The following HNRNPM variants were observed in gnomAD, a reference collection of about 807,000 sequenced individuals.
HNRNPM encodes CEA receptor.
HNRNPM carries 11 observed loss-of-function variants against 73.1 expected under a neutral mutation model. The ratio of observed to expected loss-of-function variants is 0.15; its 90% CI spans 0.09 to 0.25. The LOEUF (loss-of-function observed/expected upper bound fraction) is 0.25. Among genes scored for constraint, HNRNPM ranks in the 10% least tolerant of loss-of-function variants. HNRNPM has a pLI of 1.00. For synonymous variants in HNRNPM, 407 were observed against 355.2 expected, an observed-to-expected ratio of 1.15 and a Z score of -1.64; for missense variants, 789 against 1,067.9, an observed-to-expected ratio of 0.74 and a Z score of 3.64.
chr19:8,448,787 C>A (rs1206133483), intron 1 of HNRNPM, among the ~76,000 whole-genome samples: 1 of 152,014 alleles, frequency 6.6e-6, no homozygotes, highest in Non-Finnish European at 1.5e-5. Flanking sequence ...CTGGCCCCTT[C>A]CTGAGTAATT....
chr19:8,463,727 T>C (rs1969548787), intron 5 of HNRNPM, 41 bp downstream of exon 5: 1 of 1,326,424 alleles, frequency 7.5e-7, no homozygotes, highest in Admixed American at 1.7e-5. Context: ...TGTGTAATTG[T>C]TGAGTGATCC....
intron 8 of HNRNPM, among the ~76,000 whole-genome samples, chr19:8,468,159 G>T (rs1195450281): frequency 1.3e-5 from 2 of 152,226 alleles, no homozygotes; most frequent in Non-Finnish European, 2.9e-5. Flanking sequence ...TTGAGCAAGT[G>T]ATCCGTTTCA....
chr19:8,482,179 G>C (rs773241300), intron 12 of HNRNPM, among the ~76,000 whole-genome samples: 2 of 152,248 alleles, frequency 1.3e-5, no homozygotes, highest in African/African-American at 2.4e-5. Context: ...TGGCCAGGCT[G>C]ATCCTGACCT....
At chr19:8,474,125 C>A in intron 11 of HNRNPM, 42 bp from the exon 12 acceptor site, 1 of 1,406,108 alleles carries the variant, frequency 7.1e-7, no homozygotes, top group Non-Finnish European at 9.7e-7. Context: ...TTAGTCTAAG[C>A]AGTCTTGTTG....
intron 13 of HNRNPM, among the ~76,000 whole-genome samples, 190 bp from the exon 14 acceptor site, chr19:8,485,413 A>T (rs1468491809): frequency 6.6e-6 from 1 of 152,190 alleles, no homozygotes; most frequent in Non-Finnish European, 1.5e-5. Context: ...GAGCAGAGAG[A>T]ATGCTGGGAG....
chr19:8,453,611 G>A (rs1968784656), intron 1 of HNRNPM, among the ~76,000 whole-genome samples: 1 of 152,056 alleles, frequency 6.6e-6, no homozygotes, highest in South Asian at 2.1e-4. Context: ...TTTTGTCATG[G>A]ATTACAAATT....
In HNRNPM at chr19:8,462,949, T is replaced by C. The variant is rs769612435; in HGVS notation, c.336+368T>C. Among the ~76,000 whole-genome samples, 1 of 152,230 alleles carries C rather than the reference T, an allele frequency of 6.6e-6. No individual in the cohort carries two copies. The highest frequency in any genetic ancestry group is 1.5e-5 in the Non-Finnish European group (1 of 68,038). On this transcript the variant is annotated intron_variant, in intron 3 of 15. Coordinates refer to ENST00000325495, the MANE Select transcript of HNRNPM (RefSeq NM_005968.5). The surrounding 1 kb of genome is among the most constrained non-coding windows in gnomAD (Gnocchi z 4.5). ...TTGTCTAGAAAATGTTACTCTTGGT[T>C]GTTTGCTGAATTTGAAAGTTGTGTG...
At chr19:8,454,789 C>G (rs1445440480) in intron 1 of HNRNPM, among the ~76,000 whole-genome samples, 1 of 149,714 alleles carries the variant, frequency 6.7e-6, no homozygotes, top group African/African-American at 2.5e-5. Context: ...TAGAAATCAT[C>G]CCTCTCTTCT....
intron 9 of HNRNPM, among the ~76,000 whole-genome samples, chr19:8,470,507 T>C (rs1342051103): frequency 2.0e-5 from 3 of 152,094 alleles, no homozygotes; most frequent in African/African-American, 7.2e-5. Context: ...TTTTTTTTTT[T>C]AGTAGAGATG....
intron 2 of HNRNPM, among the ~76,000 whole-genome samples, chr19:8,459,188 A>G (rs974004229): frequency 1.3e-5 from 2 of 152,172 alleles, no homozygotes; most frequent in African/African-American, 4.8e-5. Context: ...TGGCCTTCCA[A>G]AGTGCTAGGA....
Position 8,485,710 on chromosome 19 carries a change from G to A in HNRNPM, c.1282G>A (p.Asp428Asn), listed in dbSNP as rs748335760. 2.5e-6 allele frequency: 4 copies of A among 1,607,176 alleles called. No homozygotes were observed. The highest frequency in any genetic ancestry group is 3.4e-6 in the Non-Finnish European group (4 of 1,179,666). ...RMGAGLGHGMDRVGSEIERMG... is the reference protein window; with the variant it reads ...RMGAGLGHGMNRVGSEIERMG... ...GGGCGCGGGCCTGGGCCACGGCATG[G>A]ATCGCGTGGGCTCCGAGATCGAGCG... Residue 428 changes from aspartate to asparagine, a missense_variant, in exon 14 of 16, where the codon GAT (aspartate) becomes AAT (asparagine). Transcript: ENST00000325495.
intron 9 of HNRNPM, among the ~76,000 whole-genome samples, chr19:8,470,501 T>G (rs1207623184): frequency 6.6e-6 from 1 of 152,162 alleles, no homozygotes; most frequent in East Asian, 1.9e-4. Context: ...AATTTTTTTT[T>G]TTTTTTAGTA....
In HNRNPM at chr19:8,465,496, G is replaced by A; in HGVS notation, c.611G>A (p.Ser204Asn). 1 of 1,609,384 alleles carries A rather than the reference G, an allele frequency of 6.2e-7. No homozygotes were observed. ...GCATTACAGGCTGGAAGACTTGGAA[G>A]CACAGTATTTGTAGCAAATGTAAGT... ...IHALQAGRLG[S>N]TVFVANLDYK... The change falls in exon 6 of 16, where the codon AGC becomes AAC. Residue 204 changes from serine to asparagine, a missense_variant. By Grantham distance (46) the Ser-to-Asn change is conservative. This residue lies in a region of HNRNPM where 604 missense variants were observed against 744.0 expected (regional missense o/e 0.81). Coordinates refer to ENST00000325495, the MANE Select transcript of HNRNPM (RefSeq NM_005968.5).
chr19:8,451,463 T>TAA (rs141784669), intron 1 of HNRNPM, among the ~76,000 whole-genome samples: 2 of 152,060 alleles, frequency 1.3e-5, no homozygotes, highest in African/African-American at 2.4e-5. Context: ...TTGGACATGT[T>TAA]AAAAAAAGAG....
At chr19:8,480,713 T>TG (rs1258118704) in intron 12 of HNRNPM, among the ~76,000 whole-genome samples, 2 of 152,070 alleles carry the variant, frequency 1.3e-5, no homozygotes, top group African/African-American at 4.8e-5. Flanking sequence ...AACTTTTTCT[T>TG]GCTAAGAGCC....
chr19:8,487,285 T>C, intron 15 of HNRNPM: 1 of 575,126 alleles, frequency 1.7e-6, no homozygotes, highest in Non-Finnish European at 3.2e-6. Context: ...CATCCTTACT[T>C]CCTTTTTTCT....
chr19:8,479,375 G>T (rs932193838), intron 12 of HNRNPM, among the ~76,000 whole-genome samples: 6 of 152,036 alleles, frequency 3.9e-5, no homozygotes, highest in African/African-American at 1.4e-4. Flanking sequence ...CATCACGCCA[G>T]GTCTGTTGAT....
At chr19:8,476,572 AAAAAAAAG>A (rs1970521165) in intron 12 of HNRNPM, among the ~76,000 whole-genome samples, 1 of 40,304 alleles carries the variant, frequency 2.5e-5, no homozygotes, top group African/African-American at 3.4e-5. Context: ...ATGTTAAAAA[AAAAAAAAG>A]AGAGATTGTT....
rs201693419 is a variant in HNRNPM, at chr19:8,485,884, A to G, written c.1456A>G (p.Met486Val). 12 of 1,603,878 alleles carry G rather than the reference A, an allele frequency of 7.5e-6. No individual in the cohort carries two copies. The highest frequency in any genetic ancestry group is 6.7e-5 in the Admixed American group (4 of 59,926). ...GCGCATTGGCTCTGGCGTGGAGCGC[A>G]TGGGTGCCGGCATGGGCTTCGGCCT... Reference protein sequence around the residue: ...MERIGSGVERMGAGMGFGLER... With the variant: ...MERIGSGVERVGAGMGFGLER... Residue 486 changes from methionine (M) to valine (V), a missense_variant, in exon 14 of 16, where the codon ATG becomes GTG. Met to Val is a conservative substitution (Grantham distance 21). Around this residue, in one of 4 missense-constraint regions of HNRNPM, gnomAD observed 604 missense variants for 744.0 expected, o/e 0.81. Transcript: ENST00000325495.
Sources: allele counts gnomAD v4.1 joint callset (sites outside exome capture counted in the v4.1 genomes callset), GRCh38; gene constraint gnomAD v4.1.1; regional missense constraint gnomAD v4.1.1; non-coding constraint Gnocchi (gnomAD v3.1); transcripts MANE v1.5; gene names NCBI Gene and HGNC (gene_info 2026-07-23, HGNC 2026-07-21).